SPATA24: variants seen among roughly 807,000 people sequenced by gnomAD.
The protein encoded by SPATA24 is spermatogenesis associated 24.
SPATA24 carries 21 observed loss-of-function variants against 28.9 expected under a neutral mutation model. That is an observed-to-expected ratio of 0.73 (90% CI 0.52 to 1.05). The LOEUF is 1.05. Ranked by LOEUF, SPATA24 falls within the 50% of genes least tolerant of loss-of-function variation. The pLI, the probability that SPATA24 is intolerant of heterozygous loss-of-function variation, is 0.00. For missense variants in SPATA24, 215 were observed against 242.9 expected, an observed-to-expected ratio of 0.88 and a Z score of 0.76; for synonymous variants, 76 against 89.9, an observed-to-expected ratio of 0.85 and a Z score of 0.88.
At chr5:139,394,077 C>A, downstream of SPATA24, 1 of 1,550,916 alleles carries the variant, frequency 6.4e-7, no homozygotes, top group Non-Finnish European at 8.7e-7. Flanking sequence ...TAACAGGACC[C>A]AGCGGCTCCG....
chr5:139,403,979 A>T lies in SPATA24; in HGVS notation c.82T>A (p.Ser28Thr), dbSNP rs749492678. 1.3e-6 allele frequency: 2 copies of T among 1,551,692 alleles called. No homozygotes were observed. The highest frequency in any genetic ancestry group is 8.7e-7 in the Non-Finnish European group (1 of 1,147,002). ...ALDQLRDVIE[S>T]QEELIHQLRN... ...AGCTGGTGGATTAGTTCCTCCTGAG[A>T]CTCAATCACGTCCCGCAGTTGATCT... The change falls in exon 1 of 6, where the codon TCT becomes ACT. Residue 28 changes from serine to threonine, a missense_variant. Transcript: ENST00000450845.
chr5:139,393,392 T>G, downstream of SPATA24: 2 of 1,551,662 alleles, frequency 1.3e-6, no homozygotes, highest in Non-Finnish European at 1.7e-6. Flanking sequence ...GTGGATGGAC[T>G]CTGCATCTCT....
chr5:139,399,344 G>C (rs529772332), intron 4 of SPATA24, among the ~76,000 whole-genome samples: 2 of 149,338 alleles, frequency 1.3e-5, no homozygotes, highest in East Asian at 3.9e-4. Flanking sequence ...GGTTGGACAA[G>C]AATTAACTAG....
At chr5:139,397,327 G>C (rs906921890) in intron 4 of SPATA24, among the ~76,000 whole-genome samples, 184 bp from the exon 5 acceptor site, 3 of 152,118 alleles carry the variant, frequency 2.0e-5, no homozygotes, top group African/African-American at 4.8e-5. Flanking sequence ...CAGTGTTTGA[G>C]GATTGTTGTC....
chr5:139,400,539 C>T (rs1226363988), intron 4 of SPATA24, among the ~76,000 whole-genome samples: 2 of 151,984 alleles, frequency 1.3e-5, no homozygotes, highest in Non-Finnish European at 2.9e-5. Context: ...AACTCCTGAC[C>T]TCATGTGATC....
At chr5:139,398,437 T>C (rs1176010249) in intron 4 of SPATA24, among the ~76,000 whole-genome samples, 1 of 149,816 alleles carries the variant, frequency 6.7e-6, no homozygotes, top group Non-Finnish European at 1.5e-5. Flanking sequence ...TAGCTGGGCA[T>C]GGTGTTGGAA....
intron 4 of SPATA24, among the ~76,000 whole-genome samples, chr5:139,397,544 C>T (rs1690525943): frequency 6.8e-6 from 1 of 146,088 alleles, no homozygotes; most frequent in African/African-American, 2.8e-5. Flanking sequence ...TTCCCTCTTC[C>T]TGCTTTCTCT....
downstream of SPATA24, chr5:139,392,859 C>A (rs1233075095): frequency 6.5e-7 from 1 of 1,542,878 alleles, no homozygotes. This position sits in a 1 kb window ranked among gnomAD's most constrained non-coding sequence, Gnocchi z 5.8. Flanking sequence ...GCCGGCGACC[C>A]AAGGCCAGGG....
chr5:139,401,985 G>GT lies in SPATA24; in HGVS notation c.243dup (p.Gln82ThrfsTer22), dbSNP rs2152079466. On this transcript the variant is annotated frameshift_variant, in exon 3 of 6. Coordinates refer to ENST00000450845, the MANE Select transcript of SPATA24 (RefSeq NM_194296.2). LOFTEE classifies it high-confidence loss of function. ...ACCTCTACCTCTCCGAGGGCAAACTGTAACTTCTCCTCTTCCTTGGCCAGG... is the reference window on the plus strand; with the variant it reads ...ACCTCTACCTCTCCGAGGGCAAACTGTTAACTTCTCCTCTTCCTTGGCCAGG... 1.3e-6 allele frequency: 2 copies of GT among 1,551,704 alleles called. No homozygotes were observed. Among genetic ancestry groups the GT allele is most frequent in the East Asian group, 4.9e-5 (2 of 40,904 alleles).
chr5:139,394,154 T>C, downstream of SPATA24: 1 of 1,545,958 alleles, frequency 6.5e-7, no homozygotes, highest in Non-Finnish European at 8.7e-7. Flanking sequence ...CTCGGGGCCT[T>C]GGCGGGGGCC....
chr5:139,399,823 C>A (rs1368819698), intron 4 of SPATA24, among the ~76,000 whole-genome samples: 1 of 152,144 alleles, frequency 6.6e-6, no homozygotes, highest in Non-Finnish European at 1.5e-5. Flanking sequence ...AGGACCTGTC[C>A]CCATGACACA....
At chr5:139,395,883 A>G (rs929219626), downstream of SPATA24, among the ~76,000 whole-genome samples, 1 of 152,204 alleles carries the variant, frequency 6.6e-6, no homozygotes, top group Non-Finnish European at 1.5e-5. Context: ...TCCCAGCTCC[A>G]AAGGCCCCTG....
downstream of SPATA24, chr5:139,392,993 G>C (rs748366649): frequency 2.0e-6 from 3 of 1,517,156 alleles, no homozygotes; most frequent in African/African-American, 4.2e-5. The surrounding 1 kb of genome is among the most constrained non-coding windows in gnomAD (Gnocchi z 5.8). Context: ...GGTTCAGGAG[G>C]CTCGTAGGGG....
At chr5:139,394,187 G>A, downstream of SPATA24, 1 of 1,547,442 alleles carries the variant, frequency 6.5e-7, no homozygotes, top group Non-Finnish European at 8.7e-7. Flanking sequence ...ACGCGAAGTG[G>A]CCGAGACTTA....
chr5:139,403,414 A>G lies in SPATA24; in HGVS notation c.117+530T>C, dbSNP rs192927906. ...AACTCCAGATGGCCAGGATTCTATC[A>G]TGCCTACCCAGGTAATCTGTGACTG... On this transcript the variant is annotated intron_variant, in intron 1 of 5. Transcript: ENST00000450845. Among the ~76,000 whole-genome samples, 20 of 152,356 alleles carry G rather than the reference A, an allele frequency of 1.3e-4. No individual in the cohort carries two copies. The East Asian group carries it at 3.7e-3, about 28-fold the overall frequency.
chr5:139,395,137 C>G, downstream of SPATA24: 1 of 1,359,650 alleles, frequency 7.4e-7, no homozygotes, highest in Middle Eastern at 2.7e-4. Context: ...CTGGTGGCGC[C>G]GGCACTGTCC....
intron 1 of SPATA24, among the ~76,000 whole-genome samples, 167 bp from the exon 2 acceptor site, chr5:139,402,860 C>G (rs1384121124): frequency 1.3e-5 from 2 of 152,194 alleles, no homozygotes; most frequent in African/African-American, 4.8e-5. Context: ...AGACTCAGCT[C>G]TAAGTGCTGC....
chr5:139,394,389 G>C (rs1446280634), downstream of SPATA24: 2 of 1,396,448 alleles, frequency 1.4e-6, no homozygotes, highest in Non-Finnish European at 1.8e-6. Flanking sequence ...CGGTGCGCAG[G>C]AGCAGCCGGG....
At chr5:139,395,031 C>T, downstream of SPATA24, 1 of 1,436,682 alleles carries the variant, frequency 7.0e-7, no homozygotes, top group Non-Finnish European at 9.1e-7. Flanking sequence ...GGGCCGTGGG[C>T]AGCTGCCTCG....
Sources: gnomAD v4.1 joint callset for allele counts (sites outside exome capture counted in the v4.1 genomes callset) on GRCh38, gnomAD v4.1.1 for gene constraint, Gnocchi (gnomAD v3.1) non-coding constraint, MANE v1.5 for transcripts, NCBI Gene and HGNC (gene_info 2026-07-23, HGNC 2026-07-21) for gene names.